GDPD5: variants seen among roughly 807,000 people sequenced by gnomAD.
GDPD5 encodes the protein glycerophosphodiester phosphodiesterase 2.
Under a neutral mutation model 75.1 loss-of-function variants are expected in GDPD5, and 48 were observed. The observed-to-expected ratio is 0.64, with a 90% confidence interval of 0.51 to 0.81. The LOEUF (loss-of-function observed/expected upper bound fraction) is 0.81. GDPD5 is among the 40% of genes least tolerant of loss of function. GDPD5 has a pLI of 0.00. For missense variants in GDPD5, 706 were observed against 822.6 expected (o/e 0.86, Z 1.73); for synonymous variants, 336 against 339.0 (o/e 0.99, Z 0.10).
Position 75,462,537 on chromosome 11 carries a change from C to T in GDPD5, c.221+249G>A, listed in dbSNP as rs1270161014. 3.3e-5 allele frequency among the ~76,000 whole-genome samples: 5 copies of T among 152,284 alleles called. 1 individual carries two copies. In the South Asian group the frequency reaches 6.2e-4, roughly 19 times the overall value. Reference sequence around the variant, plus strand: ...CCTCCTCCTCTTTCTTGCCAGTCTGCGATACAATCCTCACCCATACCTCTG... The same window carrying T: ...CCTCCTCCTCTTTCTTGCCAGTCTGTGATACAATCCTCACCCATACCTCTG... On this transcript the variant is annotated intron_variant, in intron 4 of 16. Coordinates refer to ENST00000336898, the MANE Select transcript of GDPD5 (RefSeq NM_030792.8).
At chr11:75,487,841 A>G (rs1026875404) in intron 2 of GDPD5, among the ~76,000 whole-genome samples, 1 of 152,208 alleles carries the variant, frequency 6.6e-6, no homozygotes, top group Non-Finnish European at 1.5e-5. Context: ...ACAGCTTAGC[A>G]TCTCAGAACT....
chr11:75,506,030 G>A (rs1950390673), intron 1 of GDPD5, among the ~76,000 whole-genome samples: 1 of 152,192 alleles, frequency 6.6e-6, no homozygotes, highest in South Asian at 2.1e-4. Flanking sequence ...CCAAGTACCA[G>A]CTGGGCCTCT....
chr11:75,523,506 A>G (rs1941545370), intron 1 of GDPD5, among the ~76,000 whole-genome samples: 1 of 152,186 alleles, frequency 6.6e-6, no homozygotes, highest in Non-Finnish European at 1.5e-5. Context: ...GCCCCTTAGC[A>G]CTTGACAGCC....
intron 1 of GDPD5, among the ~76,000 whole-genome samples, chr11:75,519,178 T>C (rs1369521988): frequency 1.3e-5 from 2 of 152,162 alleles, no homozygotes; most frequent in South Asian, 2.1e-4. Context: ...AGTCCACTGG[T>C]CCTGGGGTCT....
At chr11:75,489,642 C>T (rs1295193804) in intron 2 of GDPD5, among the ~76,000 whole-genome samples, 2 of 152,232 alleles carry the variant, frequency 1.3e-5, no homozygotes, top group African/African-American at 4.8e-5. Flanking sequence ...GCCCATTCAA[C>T]CCTCAGATTG....
At chr11:75,522,502 A>G (rs1354219916) in intron 1 of GDPD5, among the ~76,000 whole-genome samples, 2 of 141,220 alleles carry the variant, frequency 1.4e-5, no homozygotes, top group African/African-American at 2.7e-5. Context: ...CCCCGTCACC[A>G]CCTCTCTGGA....
At chr11:75,457,386 G>A (rs1020209430) in intron 5 of GDPD5, among the ~76,000 whole-genome samples, 10 of 152,196 alleles carry the variant, frequency 6.6e-5, no homozygotes, top group Non-Finnish European at 1.3e-4. Context: ...CAGGCCTCAG[G>A]TGCAGCAGCC....
At chr11:75,466,470 C>A (rs924223516) in intron 3 of GDPD5, among the ~76,000 whole-genome samples, 1 of 152,144 alleles carries the variant, frequency 6.6e-6, no homozygotes, top group Non-Finnish European at 1.5e-5. Flanking sequence ...CACATTACAG[C>A]AGAGAGAGGC....
intron 14 of GDPD5, 63 bp downstream of exon 14, chr11:75,441,100 G>A: frequency 6.5e-7 from 1 of 1,545,530 alleles, no homozygotes; most frequent in Non-Finnish European, 8.9e-7. Context: ...TTGCCGAGTG[G>A]TCAGGGCAGG....
intron 5 of GDPD5, among the ~76,000 whole-genome samples, chr11:75,457,217 A>T (rs1241940171): frequency 6.6e-6 from 1 of 152,240 alleles, no homozygotes; most frequent in Non-Finnish European, 1.5e-5. Context: ...TGAGTGGAAT[A>T]TCGGGAGCAA....
chr11:75,525,890 CGCTGT>C lies in GDPD5; in HGVS notation c.-830_-826del, dbSNP rs1941647871. ...CTCAGCGCCGCGCCGCTGCCACCTC[CGCTGT>C]CATCCCCGCCACCCACCCCCACCGG... On this transcript the variant is annotated 5_prime_UTR_variant, in exon 1 of 17. It removes the in-frame stop codon of an upstream open reading frame in the 5' UTR. Coordinates refer to ENST00000336898, the MANE Select transcript of GDPD5 (RefSeq NM_030792.8). 2 of 151,656 alleles carry C rather than the reference CGCTGT, an allele frequency of 1.3e-5. No homozygotes were observed. The highest frequency in any genetic ancestry group is 4.8e-5 in the African/African-American group (2 of 41,344). 9.4% of individuals were successfully genotyped at this position (151,656 alleles called of 1,614,324 possible).
intron 1 of GDPD5, among the ~76,000 whole-genome samples, chr11:75,517,898 A>G (rs1037847317): frequency 6.6e-6 from 1 of 152,150 alleles, no homozygotes; most frequent in African/African-American, 2.4e-5. Context: ...GGTTGGAAAA[A>G]CAAGCAGATT....
At chr11:75,474,605 C>T (rs1218263618) in intron 3 of GDPD5, among the ~76,000 whole-genome samples, 4 of 151,954 alleles carry the variant, frequency 2.6e-5, no homozygotes, top group African/African-American at 9.7e-5. Flanking sequence ...AAGCGTGTAT[C>T]CTGGGGGACT....
At chr11:75,520,618 C>T (rs1270726821) in intron 1 of GDPD5, among the ~76,000 whole-genome samples, 1 of 152,196 alleles carries the variant, frequency 6.6e-6, no homozygotes, top group Non-Finnish European at 1.5e-5. Context: ...GCTTGGATCC[C>T]ACCTGCATGG....
chr11:75,457,189 G>C (rs1949303103), intron 5 of GDPD5, among the ~76,000 whole-genome samples: 1 of 152,246 alleles, frequency 6.6e-6, no homozygotes, highest in African/African-American at 2.4e-5. Context: ...CAGCATGGGG[G>C]ATCCACCTGC....
At chr11:75,492,356 A>T (rs1315078050) in intron 1 of GDPD5, 1 of 152,254 alleles carries the variant, frequency 6.6e-6, no homozygotes, top group Non-Finnish European at 1.5e-5. Flanking sequence ...CCTTCCCAGC[A>T]CGGGGCCAAT....
chr11:75,492,411 G>A (rs904407026), intron 1 of GDPD5: 6 of 152,232 alleles, frequency 3.9e-5, no homozygotes, highest in Non-Finnish European at 5.9e-5. Flanking sequence ...CCCCAAACAG[G>A]AAGTGGCTCT....
chr11:75,435,750 G>T lies in GDPD5; in HGVS notation c.1670-95C>A. 3.2e-6 allele frequency: 4 copies of T among 1,258,422 alleles called. No individual in the cohort carries two copies. The South Asian group carries it at 6.4e-5, about 20-fold the overall frequency. 78.0% of individuals were successfully genotyped at this position (1,258,422 alleles called of 1,614,324 possible). On this transcript the variant is annotated intron_variant, in intron 16 of 16. Transcript: ENST00000336898. ...GCAGGAAGGCTGCACCACCCAGCGG[G>T]GCACTTGGAGGCTGATGAAACCACT... is the stretch of plus-strand genomic sequence containing the variant.
intron 1 of GDPD5, chr11:75,508,164 T>C (rs986123358): frequency 3.3e-5 from 5 of 152,146 alleles, no homozygotes; most frequent in South Asian, 2.1e-4. Context: ...GGTCAACAAA[T>C]ACCTGGGTAA....
Sources: gnomAD v4.1 joint callset for allele counts (sites outside exome capture counted in the v4.1 genomes callset) on GRCh38, gnomAD v4.1.1 for gene constraint, MANE v1.5 for transcripts, NCBI Gene and HGNC (gene_info 2026-07-23, HGNC 2026-07-21) for gene names.